The following GFM1 variants were observed in gnomAD, a reference collection of about 807,000 sequenced individuals.
GFM1 encodes the protein elongation factor G, mitochondrial.
A neutral mutation model predicts 96.2 loss-of-function variants in GFM1; 62 were observed. That is an observed-to-expected ratio of 0.64 (90% confidence interval 0.53 to 0.80). The LOEUF (loss-of-function observed/expected upper bound fraction) is 0.80, where lower values mean the gene tolerates loss of function less well. Among genes scored for constraint, GFM1 ranks in the 30% least tolerant of loss-of-function variants. The probability of loss-of-function intolerance (pLI) is 0.00; values close to 1 mark genes in which losing one functional copy is unlikely to be tolerated. For synonymous variants in GFM1, 282 were observed against 312.9 expected, an observed-to-expected ratio of 0.90 and a Z score of 1.04; for missense variants, 852 against 916.6, an observed-to-expected ratio of 0.93 and a Z score of 0.91.
intron 13 of GFM1, among the ~76,000 whole-genome samples, chr3:158,676,725 G>T (rs1724927656): frequency 6.8e-6 from 1 of 146,810 alleles, no homozygotes. Context: ...TTGAGACAGA[G>T]TCTCACTCTT....
chr3:158,684,750 T>G, intron 15 of GFM1, 82 bp downstream of exon 15: 1 of 1,448,058 alleles, frequency 6.9e-7, no homozygotes, highest in Non-Finnish European at 9.7e-7. Flanking sequence ...GTTTTCAGTC[T>G]TCTTCACCCA....
In GFM1 at chr3:158,662,622, T is replaced by C; in HGVS notation, c.1324-6T>C. On this transcript the variant is annotated splice_region_variant and splice_polypyrimidine_tract_variant and intron_variant, in intron 10 of 17. Coordinates refer to ENST00000486715, the MANE Select transcript of GFM1 (RefSeq NM_024996.7). ...TTCTTCTGTTTTCTTTTAAAAAATA[T>C]TTTAGGAGTCAATTCATGTTCCTGA... 1 of 1,561,818 alleles carries C rather than the reference T, an allele frequency of 6.4e-7. No homozygotes were observed. The highest frequency in any genetic ancestry group is 8.8e-7 in the Non-Finnish European group (1 of 1,133,354).
intron 7 of GFM1, 26 bp downstream of exon 7, chr3:158,653,493 T>C: frequency 6.4e-7 from 1 of 1,558,564 alleles, no homozygotes; most frequent in Non-Finnish European, 8.9e-7. Context: ...TGAATCTTAG[T>C]TTATGCAGAA....
At chr3:158,685,392 CATT>C (rs1421208993) in intron 15 of GFM1, 4 of 152,206 alleles carry the variant, frequency 2.6e-5, no homozygotes, top group Non-Finnish European at 5.9e-5. Context: ...TGTGAAAATA[CATT>C]AGTAATGTCC....
chr3:158,662,251 A>G (rs1723255624), intron 10 of GFM1, among the ~76,000 whole-genome samples: 1 of 151,980 alleles, frequency 6.6e-6, no homozygotes, highest in South Asian at 2.1e-4. Context: ...TGTTTGCCTT[A>G]TCAGTAATTG....
rs1312725023 is a variant in GFM1, at chr3:158,652,144, C to CTTA, written c.738_739insTTA (p.Ala246_Thr247insLeu). ...TTCCAGCTGAATTAAGGGCGGCGGC[C>CTTA]ACTGACCACCGGCAGGAGCTAATTG... On this transcript the variant is annotated inframe_insertion, in exon 6 of 18. Transcript: ENST00000486715. 3.1e-6 allele frequency: 5 copies of CTTA among 1,613,728 alleles called. No homozygotes were observed. The African/African-American group carries it at 5.3e-5, about 17-fold the overall frequency.
intron 8 of GFM1, chr3:158,657,066 A>G (rs1460080209): frequency 1.3e-5 from 2 of 152,194 alleles, no homozygotes; most frequent in African/African-American, 4.8e-5. Flanking sequence ...GCTTCTGTAC[A>G]TAATATTTTA....
At chr3:158,661,137 G>A (rs1723167965) in intron 10 of GFM1, among the ~76,000 whole-genome samples, 162 bp downstream of exon 10, 1 of 152,120 alleles carries the variant, frequency 6.6e-6, no homozygotes, top group Non-Finnish European at 1.5e-5. Context: ...ATAGCTCTTT[G>A]AATGTCAATT....
At chr3:158,667,060 GTCA>G (rs749914099) in intron 13 of GFM1, 1 of 1,589,340 alleles carries the variant, frequency 6.3e-7, no homozygotes, top group East Asian at 2.3e-5. Flanking sequence ...ATTCAATAAA[GTCA>G]TCATTTCTTT....
intron 13 of GFM1, chr3:158,666,879 T>G (rs957863605): frequency 1.8e-4 from 255 of 1,446,970 alleles, no homozygotes; most frequent in Non-Finnish European, 2.0e-4. Flanking sequence ...GCAATTATAA[T>G]ATACTTAAAT....
chr3:158,661,128 T>C (rs1723167474), intron 10 of GFM1, among the ~76,000 whole-genome samples, 153 bp downstream of exon 10: 1 of 152,250 alleles, frequency 6.6e-6, no homozygotes, highest in Non-Finnish European at 1.5e-5. Flanking sequence ...ATGTTGGTTA[T>C]AGCTCTTTGA....
At chr3:158,674,199 G>A (rs908574924) in intron 13 of GFM1, among the ~76,000 whole-genome samples, 1 of 151,036 alleles carries the variant, frequency 6.6e-6, no homozygotes, top group African/African-American at 2.4e-5. Context: ...TCCTGCCTCA[G>A]CCTCCCTAGT....
intron 15 of GFM1, among the ~76,000 whole-genome samples, chr3:158,687,408 C>T (rs1725950922): frequency 6.6e-6 from 1 of 152,106 alleles, no homozygotes; most frequent in Non-Finnish European, 1.5e-5. Flanking sequence ...ATTTTTATTT[C>T]TCCATGATTG....
intron 11 of GFM1, 69 bp downstream of exon 11, chr3:158,662,753 A>G: frequency 3.4e-6 from 3 of 885,778 alleles, no homozygotes; most frequent in Admixed American, 1.7e-5. Context: ...TATCTCTACA[A>G]TGCACTTGAT....
Position 158,670,956 on chromosome 3 carries a change from C to G in GFM1, c.1601+4570C>G. ...TCAAAGAAAAAAGAAATTTAACTTA[C>G]TTTTTGTATAATTTCTTCAACAGCA... On this transcript the variant is annotated intron_variant, in intron 13 of 17. Coordinates refer to ENST00000486715, the MANE Select transcript of GFM1 (RefSeq NM_024996.7). The G allele has an allele frequency of 3.3e-6, 5 of 1,524,764 alleles. No homozygotes were observed. The highest frequency in any genetic ancestry group is 4.4e-6 in the Non-Finnish European group (5 of 1,139,592). 94.5% of individuals were successfully genotyped at this position (1,524,764 alleles called of 1,614,324 possible).
chr3:158,654,205 CTTTTTTTTT>C (rs551796824), intron 7 of GFM1, among the ~76,000 whole-genome samples: 18 of 85,974 alleles, frequency 2.1e-4, no homozygotes, highest in African/African-American at 3.3e-4. Context: ...CTCTAAAGAC[CTTTTTTTTT>C]TTTTTTTTTT....
Position 158,645,702 on chromosome 3 carries a change from C to T in GFM1, c.155C>T (p.Ser52Leu), listed in dbSNP as rs746271799. Residue 52 changes from serine (S) to leucine (L), a missense_variant, in exon 2 of 18, where the codon TCA becomes TTA. Physicochemically the swap from Ser to Leu is moderately radical, Grantham distance 145 (BLOSUM62 -2). Coordinates refer to ENST00000486715, the MANE Select transcript of GFM1 (RefSeq NM_024996.7). Reference sequence around the variant, plus strand: ...GAAAAAATACGAAATATTGGAATCTCAGCTCACATTGATTCTGGGAAAACT... The same window carrying T: ...GAAAAAATACGAAATATTGGAATCTTAGCTCACATTGATTCTGGGAAAACT... ...PNEKIRNIGI[S>L]AHIDSGKTTL... 1 of 1,610,638 alleles carries T rather than the reference C, an allele frequency of 6.2e-7. No individual in the cohort carries two copies. Among genetic ancestry groups the T allele is most frequent in the South Asian group, 1.1e-5 (1 of 91,006 alleles).
At chr3:158,663,751 A>C (rs893785338) in intron 11 of GFM1, among the ~76,000 whole-genome samples, 1 of 152,236 alleles carries the variant, frequency 6.6e-6, no homozygotes, top group Non-Finnish European at 1.5e-5. Flanking sequence ...TATTTAAGGC[A>C]TTTAACTGTT....
Position 158,684,590 on chromosome 3 carries a change from C to T in GFM1, c.1831C>T (p.Leu611=), listed in dbSNP as rs190393538. Residue 611 remains leucine (L), a synonymous_variant, in exon 15 of 18, where the codon CTG becomes TTG. Transcript: ENST00000486715. ...GHKLSGLRFV[L]QDGAHHMVDS... The stretch of plus-strand genomic sequence containing the variant: ...CAAGCTCTCTGGGCTCCGGTTTGTC[C>T]TGCAAGATGGAGCACACCACATGGT... 168 of 1,614,106 alleles carry T rather than the reference C, an allele frequency of 1.0e-4. 1 individual carries two copies. The highest frequency in any genetic ancestry group is 1.5e-4 in the South Asian group (14 of 91,082).
Sources: allele counts gnomAD v4.1 joint callset (sites outside exome capture counted in the v4.1 genomes callset), GRCh38; gene constraint gnomAD v4.1.1; transcripts MANE v1.5; gene names NCBI Gene and HGNC (gene_info 2026-07-23, HGNC 2026-07-21).